The following TULP4 variants were observed in gnomAD, a reference collection of about 807,000 sequenced individuals.
The protein encoded by TULP4 is TUB like protein 4.
TULP4 carries 16 observed loss-of-function variants against 129.0 expected under a neutral mutation model. The observed-to-expected ratio is 0.12, with a 90% CI of 0.08 to 0.19. The LOEUF (loss-of-function observed/expected upper bound fraction) is 0.19. Ranked by LOEUF, TULP4 falls within the 10% of genes least tolerant of loss-of-function variation. TULP4 has a pLI of 1.00. For synonymous variants in TULP4, 998 were observed against 854.0 expected, an observed-to-expected ratio of 1.17 and a Z score of -2.94; for missense variants, 1,842 against 2,059.1, an observed-to-expected ratio of 0.89 and a Z score of 2.04.
chr6:158,446,847 G>C (rs2115123627), intron 3 of TULP4, among the ~76,000 whole-genome samples: 1 of 152,228 alleles, frequency 6.6e-6, no homozygotes, highest in African/African-American at 2.4e-5. Flanking sequence ...TTGCAAGCTG[G>C]GGTCTCTCAT....
chr6:158,484,584 A>C (rs946586576), intron 8 of TULP4, among the ~76,000 whole-genome samples: 3 of 152,160 alleles, frequency 2.0e-5, no homozygotes, highest in Non-Finnish European at 4.4e-5. Flanking sequence ...AAAGGAGTTC[A>C]TATAGGTGGA....
At position 158,503,258 on chromosome 6, in the gene TULP4, C is replaced by T. The variant is rs1183363297; in HGVS notation, c.3595C>T (p.Pro1199Ser). ...ATATCCAGGAAGCTATAACAACCCC[C>T]CTTTGCCTGGAGTGCAGGCTCCCTG... ...VPYPGSYNNPPLPGVQAPCSP... is the reference protein window; with the variant it reads ...VPYPGSYNNPSLPGVQAPCSP... The change falls in exon 13 of 14, where the codon CCT becomes TCT. Residue 1199 changes from proline to serine, a missense_variant. Pro to Ser is a moderately conservative substitution (Grantham distance 74). Around this residue, in one of 5 missense-constraint regions of TULP4, gnomAD observed 1,089 missense variants for 987.1 expected, o/e 1.10. Coordinates refer to ENST00000367097, the MANE Select transcript of TULP4 (RefSeq NM_020245.5). This position sits in a 1 kb window ranked among gnomAD's most constrained non-coding sequence, Gnocchi z 4.3. The T allele has an allele frequency of 6.2e-7, 1 of 1,614,050 alleles. No individual in the cohort carries two copies. Among genetic ancestry groups the T allele is most frequent in the South Asian group, 1.1e-5 (1 of 91,082 alleles).
intron 1 of TULP4, among the ~76,000 whole-genome samples, chr6:158,320,916 T>C (rs1779612254): frequency 6.6e-6 from 1 of 152,258 alleles, no homozygotes; most frequent in Non-Finnish European, 1.5e-5. Context: ...CAGACTTCTC[T>C]GGTTGCGCTG....
In TULP4 at chr6:158,295,426, C is replaced by A. The variant is rs1276883964; in HGVS notation, n.116+13048C>A. Among the ~76,000 whole-genome samples the A allele has an allele frequency of 3.3e-5, 5 of 151,834 alleles. No individual in the cohort carries two copies. In the East Asian group the frequency reaches 7.7e-4, roughly 23 times the overall value. On this transcript the variant is annotated intron_variant and non_coding_transcript_variant, in intron 1 of 1. Coordinates refer to the TULP4 transcript ENST00000432358. ...GTCTGATGCCTAATGTAGTTCACAGCTTGTTAAACCTGTTTATATCAAGTT... is the reference window on the plus strand; with the variant it reads ...GTCTGATGCCTAATGTAGTTCACAGATTGTTAAACCTGTTTATATCAAGTT...
intron 4 of TULP4, among the ~76,000 whole-genome samples, chr6:158,451,065 AAAAAAAG>A (rs1779153780): frequency 6.6e-6 from 1 of 152,148 alleles, no homozygotes; most frequent in African/African-American, 2.4e-5. Flanking sequence ...TCTCCGTTTC[AAAAAAAG>A]AAAAAGGAAA....
intron 13 of TULP4, among the ~76,000 whole-genome samples, chr6:158,506,341 C>G (rs1780601950): frequency 6.8e-6 from 1 of 146,680 alleles, no homozygotes; most frequent in South Asian, 2.2e-4. Context: ...ACACCATTCT[C>G]CTGCCTCAGC....
Position 158,413,671 on chromosome 6 carries a change from C to T in TULP4, c.381+478C>T, listed in dbSNP as rs1778145261. ...CAGCACGGCCTCCTGTTGTCATCCT[C>T]CAGCTCTTCCTTTCTGACACAGTTT... On this transcript the variant is annotated intron_variant, in intron 2 of 13. Transcript: ENST00000367097. The surrounding 1 kb of genome is among the most constrained non-coding windows in gnomAD (Gnocchi z 4.9). Among the ~76,000 whole-genome samples the T allele has an allele frequency of 1.3e-5, 2 of 152,332 alleles. No individual in the cohort carries two copies. Among genetic ancestry groups the T allele is most frequent in the South Asian group, 4.1e-4 (2 of 4,824 alleles).
intron 1 of TULP4, among the ~76,000 whole-genome samples, chr6:158,350,742 G>GGGGAGAT (rs1780496828): frequency 6.6e-6 from 1 of 150,568 alleles, no homozygotes; most frequent in Admixed American, 6.6e-5. Flanking sequence ...AGAGGGGAGA[G>GGGGAGAT]GGGAGATGGG....
chr6:158,465,788 T>C (rs150401584), intron 6 of TULP4, among the ~76,000 whole-genome samples: 2 of 152,158 alleles, frequency 1.3e-5, no homozygotes, highest in Admixed American at 1.3e-4. Context: ...GTGGAAGGTA[T>C]ACGTTGGCTC....
intron 1 of TULP4, among the ~76,000 whole-genome samples, chr6:158,326,320 T>G (rs977243041): frequency 6.6e-6 from 1 of 152,216 alleles, no homozygotes; most frequent in Non-Finnish European, 1.5e-5. Context: ...TTCATTTTTT[T>G]GTTTTGTTTT....
chr6:158,344,921 A>G (rs1347094200), intron 1 of TULP4, among the ~76,000 whole-genome samples: 11 of 152,228 alleles, frequency 7.2e-5, no homozygotes, highest in Admixed American at 7.2e-4. Context: ...TTTTTGAAGG[A>G]AATTAAAAGT....
Position 158,493,595 on chromosome 6 carries a change from T to C in TULP4, c.1654T>C (p.Ser552Pro). The part of the protein sequence containing the change: ...LPRISIEARK[S>P]PKLPRAAQEL... ...CAGGATCAGCATTGAGGCCCGCAAG[T>C]CACCCAAGCTGCCCCGGGCTGCTCA... The change falls in exon 10 of 14, where the codon TCA (serine) becomes CCA (proline). Residue 552 changes from serine to proline, a missense_variant. This residue lies in a region of TULP4 where 456 missense variants were observed against 534.3 expected (regional missense o/e 0.85). Transcript: ENST00000367097. This position sits in a 1 kb window ranked among gnomAD's most constrained non-coding sequence, Gnocchi z 4.4. 6.4e-7 allele frequency: 1 copy of C among 1,552,498 alleles called. No individual in the cohort carries two copies.
chr6:158,237,965 G>C, intron 1 of TULP4: 1 of 728,608 alleles, frequency 1.4e-6, no homozygotes, highest in Non-Finnish European at 2.5e-6. Flanking sequence ...CCATATTTGA[G>C]CTTGAAGTTT....
intron 6 of TULP4, among the ~76,000 whole-genome samples, chr6:158,473,137 G>A (rs933343060): frequency 2.0e-5 from 3 of 152,138 alleles, no homozygotes; most frequent in African/African-American, 7.2e-5. Flanking sequence ...GAAAAAGATG[G>A]GTATGGGAAT....
chr6:158,328,169 TTGGAGGAGC>T (rs1779793191), intron 1 of TULP4, among the ~76,000 whole-genome samples: 1 of 145,966 alleles, frequency 6.9e-6, no homozygotes, highest in African/African-American at 2.6e-5. Flanking sequence ...TATATGAAAG[TTGGAGGAGC>T]AGGAGGAGGG....
chr6:158,313,569 G>A lies in TULP4; in HGVS notation c.-448G>A. ...GCTAGAGGGATTCTTAAAGCCTTAA[G>A]TTACTTGAAATCTATGTATTTGCAA... On this transcript the variant is annotated 5_prime_UTR_variant, in exon 1 of 14. Transcript: ENST00000367097. 1 of 407,344 alleles carries A rather than the reference G, an allele frequency of 2.5e-6. No individual in the cohort carries two copies. Among genetic ancestry groups the A allele is most frequent in the Non-Finnish European group, 4.3e-6 (1 of 231,384 alleles). The allele number at this position is 407,344 out of a possible 1,614,324, so 25.2% of individuals were successfully genotyped here. A position where few individuals can be genotyped will look rare whatever the true frequency, so the allele number is the denominator to read the frequency against.
chr6:158,237,135 A>G (rs1380052236), intron 1 of TULP4, among the ~76,000 whole-genome samples: 1 of 152,090 alleles, frequency 6.6e-6, no homozygotes, highest in Non-Finnish European at 1.5e-5. Context: ...TAATCTGTAC[A>G]AAGCTATGAG....
At chr6:158,379,141 T>C (rs946713667) in intron 1 of TULP4, among the ~76,000 whole-genome samples, 1 of 152,160 alleles carries the variant, frequency 6.6e-6, no homozygotes, top group Non-Finnish European at 1.5e-5. Flanking sequence ...ATTCGGGATG[T>C]ATTCTGAAGG....
chr6:158,509,428 G>C lies in TULP4; in HGVS notation c.*2734G>C, dbSNP rs1214924488. 1 of 152,112 alleles carries C rather than the reference G, an allele frequency of 6.6e-6. No homozygotes were observed. Among genetic ancestry groups the C allele is most frequent in the African/African-American group, 2.4e-5 (1 of 41,416 alleles). The allele number at this position is 152,112 out of a possible 1,614,324, so 9.4% of individuals were successfully genotyped here. A position where few individuals can be genotyped will look rare whatever the true frequency, so the allele number is the denominator to read the frequency against. ...ATTAGAATGAGAGTAGCCAAGGAAA[G>C]AGTTACTAGGTAATAAGCTTCACTT... On this transcript the variant is annotated 3_prime_UTR_variant, in exon 14 of 14. Transcript: ENST00000367097.
Sources: gnomAD v4.1 joint callset for allele counts (sites outside exome capture counted in the v4.1 genomes callset) on GRCh38, gnomAD v4.1.1 for gene constraint, gnomAD v4.1.1 regional missense constraint, Gnocchi (gnomAD v3.1) non-coding constraint, MANE v1.5 for transcripts, NCBI Gene and HGNC (gene_info 2026-07-23, HGNC 2026-07-21) for gene names.